CCDC7: variants seen among roughly 807,000 people sequenced by gnomAD.
The protein encoded by CCDC7 is coiled-coil domain containing 7, also known as coiled-coil domain-containing protein 7.
In CCDC7, 183 loss-of-function variants were observed where a neutral mutation model predicts 196.9. The ratio of observed to expected loss-of-function variants is 0.93; its 90% confidence interval spans 0.82 to 1.05. The LOEUF is 1.05. Ranked by LOEUF, CCDC7 falls within the 50% of genes least tolerant of loss-of-function variation. The pLI is 0.00. For missense variants in CCDC7, 1,540 were observed against 1,482.2 expected, an observed-to-expected ratio of 1.04 and a Z score of -0.64; for synonymous variants, 525 against 484.6, an observed-to-expected ratio of 1.08 and a Z score of -1.10.
intron 21 of CCDC7, among the ~76,000 whole-genome samples, chr10:32,677,716 T>C (rs997350001): frequency 6.6e-6 from 1 of 152,126 alleles, no homozygotes; most frequent in Non-Finnish European, 1.5e-5. Flanking sequence ...TTTAGGATCC[T>C]TTGTGTTTCG....
At chr10:32,607,581 T>C (rs72795567) in intron 18 of CCDC7, among the ~76,000 whole-genome samples, 13,023 of 152,252 alleles carry the variant, frequency 0.086, 879 homozygotes, top group South Asian at 0.25. Context: ...TCTATTGAGA[T>C]AATCAGTGGT....
At chr10:32,674,573 A>G (rs1488686549) in intron 21 of CCDC7, among the ~76,000 whole-genome samples, 1 of 152,000 alleles carries the variant, frequency 6.6e-6, no homozygotes, top group Non-Finnish European at 1.5e-5. Context: ...TTTGGATGGA[A>G]TGTTCTTTAA....
At chr10:32,455,142 A>C (rs1399741949) in intron 2 of CCDC7, among the ~76,000 whole-genome samples, 1 of 152,056 alleles carries the variant, frequency 6.6e-6, no homozygotes, top group African/African-American at 2.4e-5. Context: ...AAGTAGGCTA[A>C]TAGTTTCTCT....
chr10:32,692,662 A>C (rs2077220256), intron 23 of CCDC7, among the ~76,000 whole-genome samples: 1 of 152,194 alleles, frequency 6.6e-6, no homozygotes, highest in African/African-American at 2.4e-5. Context: ...CAGAAATGCC[A>C]GTTTTTGAGT....
At chr10:32,562,453 A>G (rs1054031789) in intron 13 of CCDC7, among the ~76,000 whole-genome samples, 2 of 152,220 alleles carry the variant, frequency 1.3e-5, no homozygotes, top group African/African-American at 4.8e-5. Flanking sequence ...CTTATCCACC[A>G]TGATCAAGTT....
chr10:32,667,395 T>A (rs2073021370), intron 21 of CCDC7, among the ~76,000 whole-genome samples: 1 of 152,200 alleles, frequency 6.6e-6, no homozygotes, highest in South Asian at 2.1e-4. Context: ...TTGTCAATTT[T>A]GGCTTTTGTT....
rs1161317866 is a variant in CCDC7 at position 32,876,246 on chromosome 10, T to C, written c.4112-101T>C. 4 of 822,632 alleles carry C rather than the reference T, an allele frequency of 4.9e-6. No individual in the cohort carries two copies. In the Admixed American group the frequency reaches 1.0e-4, roughly 21 times the overall value. The allele number at this position is 822,632 out of a possible 1,614,324, so 51.0% of individuals were successfully genotyped here. A position where few individuals can be genotyped will look rare whatever the true frequency, so the allele number is the denominator to read the frequency against. ...TTTTCCATTTTCATTGTTTATATTA[T>C]TCATACATTCTGTTTTCCATGATAT... On this transcript the variant is annotated intron_variant, in intron 41 of 41. Coordinates refer to ENST00000639629, the Ensembl canonical transcript of CCDC7.
intron 18 of CCDC7, among the ~76,000 whole-genome samples, chr10:32,610,774 A>G (rs1023747666): frequency 3.3e-5 from 5 of 152,182 alleles, no homozygotes; most frequent in Non-Finnish European, 7.4e-5. Context: ...ATGGCTGCAT[A>G]GTATTCCATG....
chr10:32,535,913 G>T (rs1413367733), intron 11 of CCDC7, among the ~76,000 whole-genome samples: 1 of 152,176 alleles, frequency 6.6e-6, no homozygotes, highest in Admixed American at 6.5e-5. Flanking sequence ...TATCTGTCAT[G>T]TGATGTGATG....
chr10:32,523,298 C>T (rs1404837886), intron 11 of CCDC7, among the ~76,000 whole-genome samples: 1 of 152,106 alleles, frequency 6.6e-6, no homozygotes, highest in African/African-American at 2.4e-5. Flanking sequence ...GTAATCCTAG[C>T]ACTTTGGGAG....
chr10:32,771,311 T>C (rs1339773239), intron 28 of CCDC7, among the ~76,000 whole-genome samples: 1 of 152,198 alleles, frequency 6.6e-6, no homozygotes. Flanking sequence ...CTTTATTTCT[T>C]CTTCATTTAT....
intron 9 of CCDC7, among the ~76,000 whole-genome samples, chr10:32,498,770 T>G (rs191355722): frequency 6.6e-6 from 1 of 152,266 alleles, no homozygotes; most frequent in East Asian, 1.9e-4. Context: ...TCTGATGGGC[T>G]TCCTTTTGTG....
At chr10:32,880,851 TG>T (rs1448954192), downstream of CCDC7, among the ~76,000 whole-genome samples, 1 of 152,194 alleles carries the variant, frequency 6.6e-6, no homozygotes, top group Non-Finnish European at 1.5e-5. Context: ...GCTGTAGATG[TG>T]TGGTCTTAGT....
At chr10:32,771,964 AT>A (rs1384165305) in intron 28 of CCDC7, among the ~76,000 whole-genome samples, 1 of 152,084 alleles carries the variant, frequency 6.6e-6, no homozygotes, top group Non-Finnish European at 1.5e-5. Flanking sequence ...TAGTAGTGGA[AT>A]TTTTGCTTGC....
At chr10:32,597,758 G>A in intron 18 of CCDC7, among the ~76,000 whole-genome samples, 1 of 152,216 alleles carries the variant, frequency 6.6e-6, no homozygotes, top group East Asian at 1.9e-4. Context: ...ACCGTCAGCT[G>A]CCGGTCTCTT....
intron 29 of CCDC7, among the ~76,000 whole-genome samples, chr10:32,785,323 TA>T (rs1380041979): frequency 6.6e-6 from 1 of 152,144 alleles, no homozygotes; most frequent in Non-Finnish European, 1.5e-5. Context: ...AACTAAATGA[TA>T]AAAAAGATAA....
At chr10:32,855,188 T>G (rs916439679) in intron 41 of CCDC7, among the ~76,000 whole-genome samples, 1 of 147,896 alleles carries the variant, frequency 6.8e-6, no homozygotes, top group East Asian at 1.9e-4. Context: ...AATACTTTTT[T>G]TACAGAAAAA....
intron 21 of CCDC7, among the ~76,000 whole-genome samples, chr10:32,669,958 C>T (rs977385046): frequency 3.9e-5 from 6 of 152,058 alleles, no homozygotes; most frequent in African/African-American, 9.7e-5. Flanking sequence ...CAGACGTTTG[C>T]TTGGTGAGCA....
intron 9 of CCDC7, among the ~76,000 whole-genome samples, chr10:32,509,014 A>C (rs544094197): frequency 4.1e-5 from 6 of 144,622 alleles, no homozygotes; most frequent in African/African-American, 1.3e-4. Context: ...GGCTCACTGC[A>C]ACCTCTGCCT....
Sources: gnomAD v4.1 joint callset for allele counts (sites outside exome capture counted in the v4.1 genomes callset) on GRCh38, gnomAD v4.1.1 for gene constraint, MANE v1.5 for transcripts, NCBI Gene and HGNC (gene_info 2026-07-23, HGNC 2026-07-21) for gene names.